PLA2R1: variants seen among roughly 807,000 people sequenced by gnomAD.
PLA2R1 encodes phospholipase A2 receptor 1.
Under a neutral mutation model 195.9 loss-of-function variants are expected in PLA2R1, and 158 were observed. The observed-to-expected ratio is 0.81, with a 90% CI of 0.71 to 0.92. The LOEUF is 0.92. PLA2R1 is among the 40% of genes least tolerant of loss of function. The probability of loss-of-function intolerance (pLI) is 0.00; values close to 1 mark genes in which losing one functional copy is unlikely to be tolerated. For missense variants in PLA2R1, 1,626 were observed against 1,764.6 expected, an observed-to-expected ratio of 0.92 and a Z score of 1.41; for synonymous variants, 586 against 598.2, an observed-to-expected ratio of 0.98 and a Z score of 0.30.
chr2:160,039,322 T>A (rs58243701), intron 3 of PLA2R1, among the ~76,000 whole-genome samples: 83,007 of 151,896 alleles, frequency 0.55, 25,578 homozygotes, highest in Non-Finnish European at 0.69. Context: ...ACCAAGAGAG[T>A]CCAGAATGGC....
At chr2:160,044,730 TA>T (rs749724149) in intron 2 of PLA2R1, 43 bp downstream of exon 2, 10 of 1,553,480 alleles carry the variant, frequency 6.4e-6, no homozygotes, top group Non-Finnish European at 7.9e-6. Flanking sequence ...AGGCAAACCT[TA>T]AAAAAACACC....
At chr2:160,049,035 G>T (rs1196941730) in intron 1 of PLA2R1, among the ~76,000 whole-genome samples, 1 of 151,768 alleles carries the variant, frequency 6.6e-6, no homozygotes, top group Non-Finnish European at 1.5e-5. Flanking sequence ...TAGAGACGGG[G>T]TTTCACCGTT....
In PLA2R1 at chr2:160,022,677, G is replaced by A. The variant is rs1013696186; in HGVS notation, c.1282C>T (p.Leu428Phe). 2 of 1,592,260 alleles carry A rather than the reference G, an allele frequency of 1.3e-6. No individual in the cohort carries two copies. The highest frequency in any genetic ancestry group is 1.1e-5 in the South Asian group (1 of 87,216). The change falls in exon 7 of 30, where the codon CTC (leucine) becomes TTC (phenylalanine). Residue 428 changes from leucine to phenylalanine, a missense_variant. Leu to Phe is a conservative substitution (Grantham distance 22). Coordinates refer to ENST00000283243, the MANE Select transcript of PLA2R1 (RefSeq NM_007366.5). Reference protein sequence around the residue: ...SLAEVEFLVTLLGDENASETW... With the variant: ...SLAEVEFLVTFLGDENASETW... The stretch of plus-strand genomic sequence containing the variant: ...AGCTGGGACTCACCATCTCCAAGGA[G>A]GGTTACAAGAAACTCCACCTCTGCT...
chr2:159,951,650 G>T, intron 23 of PLA2R1, 72 bp from the exon 24 acceptor site: 2 of 786,630 alleles, frequency 2.5e-6, no homozygotes, highest in Non-Finnish European at 2.3e-6. Flanking sequence ...GCTTAGCATA[G>T]ATCCTTGTCA....
rs764951339 is a variant in PLA2R1 at position 160,044,830 on chromosome 2, T to C, written c.437A>G (p.His146Arg). ...ACCTGACCCATAAGAAATCCACTTA[T>C]GAATATACTTCCGTGAGGCCACCAC... ...NTVVASRKYI[H>R]KWISYGSGGG... Residue 146 changes from histidine to arginine, a missense_variant, in exon 2 of 30, where the codon CAT (histidine) becomes CGT (arginine). By Grantham distance (29) the His-to-Arg change is conservative. Coordinates refer to ENST00000283243, the MANE Select transcript of PLA2R1 (RefSeq NM_007366.5). 9.9e-6 allele frequency: 16 copies of C among 1,613,788 alleles called. No homozygotes were observed. The highest frequency in any genetic ancestry group is 1.3e-5 in the Non-Finnish European group (15 of 1,179,748).
downstream of PLA2R1, among the ~76,000 whole-genome samples, chr2:159,931,805 G>C (rs942119234): frequency 1.3e-5 from 2 of 151,998 alleles, no homozygotes; most frequent in Admixed American, 6.6e-5. Flanking sequence ...AAAACCAACA[G>C]GAAGGAATAT....
At chr2:160,005,259 A>C (rs1398420253) in intron 11 of PLA2R1, among the ~76,000 whole-genome samples, 1 of 152,120 alleles carries the variant, frequency 6.6e-6, no homozygotes, top group Admixed American at 6.5e-5. Flanking sequence ...GTTCAATATC[A>C]GTCTGTCTCT....
intron 1 of PLA2R1, among the ~76,000 whole-genome samples, chr2:160,049,534 TC>T (rs1456984079): frequency 6.6e-6 from 1 of 152,224 alleles, no homozygotes; most frequent in Non-Finnish European, 1.5e-5. Context: ...AGAAGGGAGT[TC>T]CATCAGTTCC....
chr2:159,990,683 T>C (rs1690710792), intron 11 of PLA2R1, among the ~76,000 whole-genome samples: 2 of 152,234 alleles, frequency 1.3e-5, no homozygotes, highest in African/African-American at 4.8e-5. Flanking sequence ...CCTGCAATGC[T>C]GTGTATCTGC....
chr2:159,942,109 G>T lies in PLA2R1; in HGVS notation c.4177+18C>A. ...TTTCTAAGAAAAATCAAAATGTTTT[G>T]TATGGTTTCAAACGTACCTTTTTCT... is the stretch of plus-strand genomic sequence containing the variant. On this transcript the variant is annotated intron_variant, in intron 29 of 29. Transcript: ENST00000283243. 1 of 1,605,998 alleles carries T rather than the reference G, an allele frequency of 6.2e-7. No individual in the cohort carries two copies. Among genetic ancestry groups the T allele is most frequent in the Non-Finnish European group, 8.5e-7 (1 of 1,173,156 alleles).
At chr2:160,045,232 A>T (rs1694785795) in intron 1 of PLA2R1, 75 bp from the exon 2 acceptor site, 1 of 1,187,384 alleles carries the variant, frequency 8.4e-7, no homozygotes, top group Non-Finnish European at 1.2e-6. Flanking sequence ...CTCAGTGTGC[A>T]TATCTAAGTG....
intron 3 of PLA2R1, among the ~76,000 whole-genome samples, chr2:160,034,394 G>A (rs541489889): frequency 4.6e-5 from 7 of 152,214 alleles, no homozygotes; most frequent in Non-Finnish European, 8.8e-5. Flanking sequence ...AACACTGAAG[G>A]GAAGGAAAAG....
At chr2:159,944,596 G>A (rs984927348) in intron 28 of PLA2R1, among the ~76,000 whole-genome samples, 2 of 152,140 alleles carry the variant, frequency 1.3e-5, no homozygotes, top group African/African-American at 4.8e-5. Context: ...CAGAATGAAG[G>A]TTGCTGGTTT....
chr2:160,045,726 C>T (rs1694818093), intron 1 of PLA2R1, among the ~76,000 whole-genome samples: 1 of 152,146 alleles, frequency 6.6e-6, no homozygotes, highest in South Asian at 2.1e-4. Context: ...CTCAGGAGTA[C>T]AAGGGTGGAG....
Position 160,028,292 on chromosome 2 carries a change from C to T in PLA2R1, c.1025G>A (p.Arg342Lys), listed in dbSNP as rs756047460. 6.2e-7 allele frequency: 1 copy of T among 1,604,904 alleles called. No individual in the cohort carries two copies. The highest frequency in any genetic ancestry group is 8.5e-7 in the Non-Finnish European group (1 of 1,172,324). The change falls in exon 6 of 30, where the codon AGG (arginine) becomes AAG (lysine). Residue 342 changes from arginine (R) to lysine (K), a missense_variant. Coordinates refer to ENST00000283243, the MANE Select transcript of PLA2R1 (RefSeq NM_007366.5). ...TFSSFMPSAW[R>K]SRDCESTLPY... ...CAAGGTGGACTCACAATCCCGACTC[C>T]TCCAGGCACTTGGCATAAATGAACT...
chr2:159,985,331 C>A (rs1378441637), intron 12 of PLA2R1, among the ~76,000 whole-genome samples: 1 of 152,204 alleles, frequency 6.6e-6, no homozygotes, highest in Non-Finnish European at 1.5e-5. Context: ...TACAACAGTT[C>A]CAGAGATAGA....
At chr2:159,947,094 G>A (rs1475709909) in intron 26 of PLA2R1, among the ~76,000 whole-genome samples, 177 bp from the exon 27 acceptor site, 2 of 152,180 alleles carry the variant, frequency 1.3e-5, no homozygotes, top group African/African-American at 4.8e-5. Context: ...ATACAAGCTT[G>A]CACGTCAGAA....
chr2:159,964,127 G>A (rs1574681919), intron 20 of PLA2R1, among the ~76,000 whole-genome samples: 1 of 152,104 alleles, frequency 6.6e-6, no homozygotes. Flanking sequence ...AACATCATGC[G>A]AATAGGCCAG....
chr2:159,971,850 A>T (rs962691804), intron 17 of PLA2R1, among the ~76,000 whole-genome samples: 4 of 152,218 alleles, frequency 2.6e-5, no homozygotes, highest in Non-Finnish European at 5.9e-5. Context: ...TATTCTGTAA[A>T]CAGCATGGCT....
Sources: allele counts gnomAD v4.1 joint callset (sites outside exome capture counted in the v4.1 genomes callset), GRCh38; gene constraint gnomAD v4.1.1; transcripts MANE v1.5; gene names NCBI Gene and HGNC (gene_info 2026-07-23, HGNC 2026-07-21).